Variants in YEATS2 observed in about 807,000 individuals in gnomAD.
YEATS2 encodes YEATS domain containing 2.
In YEATS2, 77 loss-of-function variants were observed where a neutral mutation model predicts 163.2. That is an observed-to-expected ratio of 0.47 (90% CI 0.39 to 0.57). The LOEUF is 0.57. Ranked by LOEUF, YEATS2 falls within the 20% of genes least tolerant of loss-of-function variation. YEATS2 has a pLI of 0.00. For missense variants in YEATS2, 1,549 were observed against 1,729.8 expected (o/e 0.90, Z 1.85); for synonymous variants, 631 against 645.1 (o/e 0.98, Z 0.33).
At chr3:183,768,120 C>G (rs76185127) in intron 15 of YEATS2, among the ~76,000 whole-genome samples, 564 of 152,302 alleles carry the variant, frequency 3.7e-3, no homozygotes, top group African/African-American at 0.013. Context: ...AATCTGAACA[C>G]CAGAACTTTA....
Position 183,790,859 on chromosome 3 carries a change from G to A in YEATS2, c.2976G>A (p.Gln992=). ...TVSSVTKTSG[Q]QQVCVSQATV... ...GTTCTGTAACGAAAACTTCTGGGCA[G>A]CAGCAAGTGTGTGTGAGCCAGGCCA... The change falls in exon 21 of 31, where the codon CAG becomes CAA. Residue 992 remains glutamine, a synonymous_variant. Transcript: ENST00000305135. 1 of 1,614,176 alleles carries A rather than the reference G, an allele frequency of 6.2e-7. No homozygotes were observed. Among genetic ancestry groups the A allele is most frequent in the Non-Finnish European group, 8.5e-7 (1 of 1,180,028 alleles).
chr3:183,800,313 TAGG>T (rs1315048041), intron 23 of YEATS2, among the ~76,000 whole-genome samples, 150 bp from the exon 24 acceptor site: 25 of 152,198 alleles, frequency 1.6e-4, no homozygotes, highest in African/African-American at 5.6e-4. Flanking sequence ...CCTGGGATGA[TAGG>T]AGCCATCTCA....
At chr3:183,801,405 C>A in intron 24 of YEATS2, 50 bp from the exon 25 acceptor site, 1 of 1,381,410 alleles carries the variant, frequency 7.2e-7, no homozygotes, top group East Asian at 2.3e-5. Context: ...GCTATAGAAA[C>A]TGCTACATGT....
In YEATS2 at chr3:183,810,555, A is replaced by G; in HGVS notation, c.4241A>G (p.His1414Arg). 1 of 1,614,182 alleles carries G rather than the reference A, an allele frequency of 6.2e-7. No individual in the cohort carries two copies. The highest frequency in any genetic ancestry group is 1.1e-5 in the South Asian group (1 of 91,082). The change falls in exon 31 of 31, where the codon CAC becomes CGC. Residue 1414 changes from histidine to arginine, a missense_variant. Physicochemically the swap from His to Arg is conservative, Grantham distance 29. Transcript: ENST00000305135. ...TTTCTGGACTTCCTCACAAACAAACACATGGGAATATTGAATGAGGACCAG... is the reference window on the plus strand; with the variant it reads ...TTTCTGGACTTCCTCACAAACAAACGCATGGGAATATTGAATGAGGACCAG... ...IPFLDFLTNK[H>R]MGILNEDQ is the part of the protein sequence containing the mutation.
rs62285760 is a variant in YEATS2, at chr3:183,735,593, A to T, written c.813-1125A>T. Among the ~76,000 whole-genome samples, 479 of 152,108 alleles carry T rather than the reference A, an allele frequency of 3.1e-3. 2 individuals carry two copies. Among genetic ancestry groups the T allele is most frequent in the Admixed American group, 0.01 (160 of 15,294 alleles). On this transcript the variant is annotated intron_variant, in intron 7 of 30. Coordinates refer to ENST00000305135, the MANE Select transcript of YEATS2 (RefSeq NM_018023.5). ...CTGCTGGCTCTGTGCTCGTTAATTC[A>T]CATCTGTTACACTCTTTTCAGGTCG...
intron 11 of YEATS2, among the ~76,000 whole-genome samples, chr3:183,755,437 A>G (rs11713971): frequency 0.041 from 6,217 of 152,236 alleles, 155 homozygotes; most frequent in Middle Eastern, 0.061. Context: ...AATTTTACCT[A>G]CCAGGTAGAA....
chr3:183,805,050 G>A (rs189284628), intron 27 of YEATS2, among the ~76,000 whole-genome samples: 2 of 151,496 alleles, frequency 1.3e-5, no homozygotes, highest in East Asian at 3.9e-4. Context: ...GGGTGTAGGA[G>A]CAAGGGATTA....
intron 1 of YEATS2, among the ~76,000 whole-genome samples, chr3:183,704,490 G>A (rs1201095358): frequency 6.6e-6 from 1 of 152,044 alleles, no homozygotes; most frequent in Non-Finnish European, 1.5e-5. Context: ...TGAGTCATGA[G>A]TTATTAGAAG....
chr3:183,759,745 C>G (rs543297131), intron 13 of YEATS2, among the ~76,000 whole-genome samples: 1 of 152,316 alleles, frequency 6.6e-6, no homozygotes, highest in East Asian at 1.9e-4. Context: ...TCAGCTTACG[C>G]TGGGGTTATA....
intron 20 of YEATS2, 123 bp downstream of exon 20, chr3:183,786,424 T>TTA (rs397791314): frequency 3.1e-6 from 3 of 972,312 alleles, no homozygotes; most frequent in South Asian, 1.8e-5. Flanking sequence ...CTTTTTTTTT[T>TTA]AAAGAAATAT....
intron 8 of YEATS2, among the ~76,000 whole-genome samples, chr3:183,737,813 A>G (rs532716203): frequency 7.7e-4 from 117 of 152,330 alleles, no homozygotes; most frequent in African/African-American, 2.6e-3. Flanking sequence ...AACACAGAGT[A>G]CAGGCATACT....
intron 6 of YEATS2, among the ~76,000 whole-genome samples, chr3:183,727,093 G>A (rs574230439): frequency 8.5e-5 from 13 of 152,156 alleles, no homozygotes; most frequent in Non-Finnish European, 1.6e-4. Flanking sequence ...GAGCCACCAC[G>A]CCTGGCCTTG....
intron 5 of YEATS2, among the ~76,000 whole-genome samples, chr3:183,723,435 T>A (rs540998449): frequency 7.2e-5 from 11 of 152,230 alleles, no homozygotes; most frequent in Non-Finnish European, 1.5e-4. Context: ...ATTTTTCAGA[T>A]TATAAATTCA....
At chr3:183,763,073 T>A (rs7430163) in intron 15 of YEATS2, among the ~76,000 whole-genome samples, 1 of 148,854 alleles carries the variant, frequency 6.7e-6, no homozygotes, top group Non-Finnish European at 1.5e-5. Context: ...ATTAAAAAAT[T>A]AAAAAAAAAA....
At chr3:183,803,147 T>G (rs1725849610) in intron 25 of YEATS2, 109 bp from the exon 26 acceptor site, 1 of 1,140,032 alleles carries the variant, frequency 8.8e-7, no homozygotes, top group African/African-American at 1.5e-5. Context: ...GTAAGGAACA[T>G]ACATGCGATA....
At chr3:183,729,285 AAG>A (rs1260149000) in intron 7 of YEATS2, among the ~76,000 whole-genome samples, 4 of 151,988 alleles carry the variant, frequency 2.6e-5, no homozygotes, top group Non-Finnish European at 5.9e-5. Flanking sequence ...AAAAAAAAAA[AAG>A]GTAGTTGTAG....
At chr3:183,718,474 A>G in intron 3 of YEATS2, 26 bp from the exon 4 acceptor site, 1 of 1,580,944 alleles carries the variant, frequency 6.3e-7, no homozygotes. Context: ...CGTTTTTTAA[A>G]GTAATGAGTT....
intron 18 of YEATS2, among the ~76,000 whole-genome samples, chr3:183,777,035 A>G (rs2108411403): frequency 6.6e-6 from 1 of 152,318 alleles, no homozygotes; most frequent in South Asian, 2.1e-4. Context: ...AATTGCCTCC[A>G]AAATCCATGA....
At chr3:183,778,129 G>GA (rs1010690769) in intron 19 of YEATS2, among the ~76,000 whole-genome samples, 11 of 126,170 alleles carry the variant, frequency 8.7e-5, no homozygotes, top group South Asian at 5.2e-4. Context: ...AAAAAAAAAA[G>GA]AAAAAAAAAG....
Sources: gnomAD v4.1 joint callset for allele counts (sites outside exome capture counted in the v4.1 genomes callset) on GRCh38, gnomAD v4.1.1 for gene constraint, MANE v1.5 for transcripts, NCBI Gene and HGNC (gene_info 2026-07-23, HGNC 2026-07-21) for gene names.